CYSLTR1: variants seen among roughly 807,000 people sequenced by gnomAD.
CYSLTR1 encodes the protein cysteinyl leukotriene receptor 1.
In CYSLTR1, 1 loss-of-function variant was observed where a neutral mutation model predicts 2.1. The ratio of observed to expected loss-of-function variants is 0.48; its 90% CI spans 0.17 to 2.28. The LOEUF (loss-of-function observed/expected upper bound fraction) is 2.28, where lower values mean the gene tolerates loss of function less well. Ranked by LOEUF, CYSLTR1 falls within the 30% of genes most tolerant of loss-of-function variation. The pLI is 0.26. For synonymous variants in CYSLTR1, 110 were observed against 89.6 expected (o/e 1.23, Z -1.28); for missense variants, 299 against 250.1 (o/e 1.20, Z -1.32).
At chrX:78,281,529 T>G (rs910398711) in intron 2 of CYSLTR1, among the ~76,000 whole-genome samples, 1 of 111,313 alleles carries the variant, frequency 9.0e-6, no homozygotes, top group Non-Finnish European at 1.9e-5. Context: ...TGCCTTGGCC[T>G]CCCAAAGTGC....
intron 2 of CYSLTR1, among the ~76,000 whole-genome samples, chrX:78,281,635 T>C (rs1032028068): frequency 9.0e-5 from 10 of 111,447 alleles, no homozygotes; most frequent in South Asian, 3.7e-4. Flanking sequence ...TATTTCATTG[T>C]GGTTTTGAAA....
At chrX:78,321,136 C>CGTGTGTGT (rs56157358) in intron 1 of CYSLTR1, 44 of 92,095 alleles carry the variant, frequency 4.8e-4, no homozygotes, top group African/African-American at 1.4e-3. Flanking sequence ...GGAAGGAGCA[C>CGTGTGTGT]GTGTGTGTGT....
At chrX:78,286,317 T>C (rs867578575) in intron 1 of CYSLTR1, among the ~76,000 whole-genome samples, 3 of 111,278 alleles carry the variant, frequency 2.7e-5, no homozygotes, top group African/African-American at 9.8e-5. Flanking sequence ...GATTTCATTA[T>C]ATAGATATAC....
intron 1 of CYSLTR1, among the ~76,000 whole-genome samples, chrX:78,299,450 T>C (rs1018423037): frequency 9.0e-6 from 1 of 111,228 alleles, no homozygotes; most frequent in Non-Finnish European, 1.9e-5. Context: ...GTAATCCCTT[T>C]AACAGTTCTT....
At chrX:78,312,343 T>C (rs1346438843) in intron 1 of CYSLTR1, among the ~76,000 whole-genome samples, 1 of 111,846 alleles carries the variant, frequency 8.9e-6, no homozygotes, top group African/African-American at 3.2e-5. Flanking sequence ...ATTAAAGTTT[T>C]AAATGGAAAA....
chrX:78,290,766 T>C (rs1922288702), intron 1 of CYSLTR1, among the ~76,000 whole-genome samples: 1 of 112,069 alleles, frequency 8.9e-6, no homozygotes, highest in South Asian at 3.7e-4. Context: ...TTGTGTGTTA[T>C]TGTTGTATAG....
Position 78,326,315 on chromosome X carries a change from C to A in CYSLTR1, c.-115+990G>T, listed in dbSNP as rs776022674. 1.9e-4 allele frequency among the ~76,000 whole-genome samples: 21 copies of A among 112,191 alleles called. No homozygotes were observed. The South Asian group carries it at 7.7e-3, about 41-fold the overall frequency. ...TTCCTAATGTATTTTAAATGTAATA[C>A]AGTCCTTTGTATTTTATAATGCATT... On this transcript the variant is annotated intron_variant, in intron 1 of 2. Transcript: ENST00000373304.
intron 1 of CYSLTR1, among the ~76,000 whole-genome samples, chrX:78,300,366 G>A (rs1256411900): frequency 8.9e-6 from 1 of 112,739 alleles, no homozygotes; most frequent in Non-Finnish European, 1.9e-5. Context: ...ATGTTCATCT[G>A]TGTCAGGGCA....
chrX:78,274,641 G>T (rs1355903258), intron 2 of CYSLTR1, among the ~76,000 whole-genome samples: 1 of 110,541 alleles, frequency 9.0e-6, no homozygotes, highest in Non-Finnish European at 1.9e-5. Flanking sequence ...AGAAAACCTA[G>T]GCATTACCAT....
At chrX:78,299,008 TCTTG>T (rs1922698778) in intron 1 of CYSLTR1, among the ~76,000 whole-genome samples, 1 of 111,508 alleles carries the variant, frequency 9.0e-6, no homozygotes, top group Non-Finnish European at 1.9e-5. Context: ...TATGATTGTT[TCTTG>T]CTTATTATTT....
At chrX:78,325,721 G>A (rs758119584) in intron 1 of CYSLTR1, among the ~76,000 whole-genome samples, 1 of 112,013 alleles carries the variant, frequency 8.9e-6, no homozygotes, top group African/African-American at 3.2e-5. Flanking sequence ...ACAGGGCAAT[G>A]TTATTTGGGA....
intron 1 of CYSLTR1, among the ~76,000 whole-genome samples, chrX:78,310,882 G>A (rs146538076): frequency 3.7e-4 from 41 of 110,454 alleles, no homozygotes; most frequent in African/African-American, 8.5e-4. Context: ...GTGTTTGGGC[G>A]TGTGTGGGTG....
intron 1 of CYSLTR1, among the ~76,000 whole-genome samples, chrX:78,300,703 A>G (rs1264989034): frequency 8.9e-6 from 1 of 112,874 alleles, no homozygotes; most frequent in Non-Finnish European, 1.9e-5. Context: ...CCCATGTGTC[A>G]TGAAAGGGAC....
chrX:78,326,515 C>T (rs1923865722), intron 1 of CYSLTR1, among the ~76,000 whole-genome samples: 1 of 111,881 alleles, frequency 8.9e-6, no homozygotes, highest in South Asian at 3.7e-4. Context: ...GTGGAACTTA[C>T]AAACCCATTT....
intron 1 of CYSLTR1, among the ~76,000 whole-genome samples, chrX:78,325,999 A>C (rs1424695706): frequency 8.9e-6 from 1 of 111,862 alleles, no homozygotes; most frequent in Non-Finnish European, 1.9e-5. Context: ...TAAGTCTAAA[A>C]GCAAATAGCA....
intron 1 of CYSLTR1, among the ~76,000 whole-genome samples, chrX:78,314,548 A>G (rs751615998): frequency 1.8e-5 from 2 of 111,799 alleles, no homozygotes; most frequent in East Asian, 2.8e-4. Context: ...TGAATTACCA[A>G]TGCCACTAAT....
At chrX:78,291,250 G>C (rs187953697) in intron 1 of CYSLTR1, among the ~76,000 whole-genome samples, 47 of 111,407 alleles carry the variant, frequency 4.2e-4, no homozygotes, top group Non-Finnish European at 4.1e-4. Context: ...TTTATGTGAT[G>C]GGTTATGTTT....
intron 1 of CYSLTR1, among the ~76,000 whole-genome samples, chrX:78,326,408 T>C (rs767855516): frequency 5.3e-5 from 6 of 112,309 alleles, no homozygotes. Context: ...TACAATTTCT[T>C]TTAAAATAAT....
In CYSLTR1 at chrX:78,298,016, TA is replaced by T. The variant is rs1270415523; in HGVS notation, c.-114-14477del. ...TTTATAATGTAGGTGCTGGCAGCTA[TA>T]AACCTCCCTCTTAGTATCACTTTCG... On this transcript the variant is annotated intron_variant, in intron 1 of 2. Coordinates refer to ENST00000373304, the MANE Select transcript of CYSLTR1 (RefSeq NM_006639.4). 3.3e-4 allele frequency among the ~76,000 whole-genome samples: 37 copies of T among 111,503 alleles called. No individual in the cohort carries two copies. In the Admixed American group the frequency reaches 3.4e-3, roughly 10 times the overall value.
Sources: gnomAD v4.1 joint callset for allele counts (sites outside exome capture counted in the v4.1 genomes callset) on GRCh38, gnomAD v4.1.1 for gene constraint, MANE v1.5 for transcripts, NCBI Gene and HGNC (gene_info 2026-07-23, HGNC 2026-07-21) for gene names.